Variants in SAGE1 observed in about 807,000 individuals in gnomAD.
SAGE1 encodes sarcoma antigen 1, also known as cancer/testis antigen 14.
SAGE1 carries 55 observed loss-of-function variants against 55.4 expected under a neutral mutation model. The observed-to-expected ratio is 0.99, with a 90% CI of 0.80 to 1.24. SAGE1 has a LOEUF of 1.24. Ranked by LOEUF, SAGE1 falls within the 50% of genes most tolerant of loss-of-function variation. SAGE1 has a pLI of 0.00. For synonymous variants in SAGE1, 240 were observed against 244.3 expected, an observed-to-expected ratio of 0.98 and a Z score of 0.17; for missense variants, 710 against 704.4, an observed-to-expected ratio of 1.01 and a Z score of -0.09.
Position 135,911,972 on chromosome X carries a change from T to G in SAGE1, c.2521+19T>G, listed in dbSNP as rs782412775. 1 of 1,202,694 alleles carries G rather than the reference T, an allele frequency of 8.3e-7. No homozygotes were observed. The highest frequency in any genetic ancestry group is 3.0e-5 in the East Asian group (1 of 33,762). On this transcript the variant is annotated intron_variant, in intron 18 of 19. Transcript: ENST00000370709. The stretch of plus-strand genomic sequence containing the variant: ...GGGCAAAGTAAGTACTGCAAGAATG[T>G]CTATCAATGAAAGCATGAGAAGTGT...
chrX:135,910,163 G>A lies in SAGE1; in HGVS notation c.1857G>A (p.Arg619=). 1 of 1,206,023 alleles carries A rather than the reference G, an allele frequency of 8.3e-7. No individual in the cohort carries two copies. Among genetic ancestry groups the A allele is most frequent in the Non-Finnish European group, 1.1e-6 (1 of 891,218 alleles). ...CTGGTGTTTCATCCATGAGTACCAGGGATCAGTGTAAGTTTATTCACTTGT... is the reference window on the plus strand; with the variant it reads ...CTGGTGTTTCATCCATGAGTACCAGAGATCAGTGTAAGTTTATTCACTTGT... ...AATGVSSMST[R]DQYAAVTHNI... is the part of the protein sequence containing the mutation. Residue 619 remains arginine, a synonymous_variant, in exon 15 of 20, where the codon AGG becomes AGA. Coordinates refer to ENST00000370709, the MANE Select transcript of SAGE1 (RefSeq NM_001381902.1).
chrX:135,901,655 A>G lies in SAGE1; in HGVS notation c.184A>G (p.Arg62Gly), dbSNP rs1556596765. The change falls in exon 3 of 20, where the codon AGG (arginine) becomes GGG (glycine). Residue 62 changes from arginine (R) to glycine (G), a missense_variant. By Grantham distance (125) the Arg-to-Gly change is moderately radical. Transcript: ENST00000370709. ...KSKRHSSSKR[R>G]KSMSSWLDKQ... is the part of the protein sequence containing the mutation. Reference sequence around the variant, plus strand: ...CAAGAGACACTCTTCATCTAAGAGAAGGAAGAGTATGTCCTCGTGGTTAGA... The same window carrying G: ...CAAGAGACACTCTTCATCTAAGAGAGGGAAGAGTATGTCCTCGTGGTTAGA... 2 of 1,209,725 alleles carry G rather than the reference A, an allele frequency of 1.7e-6. No individual in the cohort carries two copies. The highest frequency in any genetic ancestry group is 1.8e-5 in the South Asian group (1 of 56,728).
At position 135,907,072 on chromosome X, in the gene SAGE1, T is replaced by C; in HGVS notation, c.877+6T>C. The C allele has an allele frequency of 8.3e-7, 1 of 1,203,431 alleles. No individual in the cohort carries two copies. The highest frequency in any genetic ancestry group is 1.1e-6 in the Non-Finnish European group (1 of 890,813). On this transcript the variant is annotated splice_donor_region_variant and intron_variant, in intron 8 of 19. Transcript: ENST00000370709. ...CATCAGCACCAATGGCCTGTGTATG[T>C]TTGCTTGTTAATTGGATTATCCTGC...
intron 1 of SAGE1, among the ~76,000 whole-genome samples, chrX:135,895,283 T>G: frequency 8.9e-6 from 1 of 111,791 alleles, no homozygotes; most frequent in East Asian, 2.8e-4. Context: ...AATTCCTTGT[T>G]TATATGGAAA....
At chrX:135,896,833 A>T (rs2088594197) in intron 2 of SAGE1, among the ~76,000 whole-genome samples, 1 of 111,426 alleles carries the variant, frequency 9.0e-6, no homozygotes, top group South Asian at 3.8e-4. Context: ...TGCTGGGATT[A>T]CAGGCATGAG....
chrX:135,897,489 T>C (rs186416767), intron 2 of SAGE1, among the ~76,000 whole-genome samples: 2 of 112,098 alleles, frequency 1.8e-5, no homozygotes, highest in Non-Finnish European at 3.8e-5. Context: ...ATGTAAAGCA[T>C]TGAGAACAGT....
At chrX:135,900,421 G>A (rs1416712114) in intron 2 of SAGE1, among the ~76,000 whole-genome samples, 1 of 111,261 alleles carries the variant, frequency 9.0e-6, no homozygotes, top group Non-Finnish European at 1.9e-5. Flanking sequence ...ATTTTGCATC[G>A]ATGTTCATCA....
At position 135,912,954 on chromosome X, in the gene SAGE1, G is replaced by A; in HGVS notation, c.*57G>A. On this transcript the variant is annotated 3_prime_UTR_variant, in exon 20 of 20. Coordinates refer to ENST00000370709, the MANE Select transcript of SAGE1 (RefSeq NM_001381902.1). ...GGACATATGCTGTAGGATGGAACAG[G>A]TTATTGCTGAAGCTCCCTATAATCC... The A allele has an allele frequency of 1.3e-6, 1 of 796,345 alleles. No individual in the cohort carries two copies. The highest frequency in any genetic ancestry group is 1.8e-6 in the Non-Finnish European group (1 of 541,056). 65.6% of individuals were successfully genotyped at this position (796,345 alleles called of 1,213,427 possible). A position where few individuals can be genotyped will look rare whatever the true frequency, so the allele number is the denominator to read the frequency against.
intron 15 of SAGE1, 56 bp from the exon 16 acceptor site, chrX:135,910,359 C>G (rs781944444): frequency 1.7e-6 from 2 of 1,175,220 alleles, no homozygotes; most frequent in East Asian, 3.0e-5. Context: ...AGGGGTATGC[C>G]TGTGCGGTTG....
chrX:135,899,761 A>G (rs1165502622), intron 2 of SAGE1, among the ~76,000 whole-genome samples: 1 of 110,131 alleles, frequency 9.1e-6, no homozygotes, highest in Admixed American at 9.8e-5. Flanking sequence ...AGGAATTGTT[A>G]ATGGGAGTTC....
chrX:135,905,482 A>T lies in SAGE1; in HGVS notation c.454+90A>T, dbSNP rs1323325997. 5.5e-6 allele frequency: 5 copies of T among 904,964 alleles called. No homozygotes were observed. The Admixed American group carries it at 1.0e-4, about 19-fold the overall frequency. 74.6% of individuals were successfully genotyped at this position (904,964 alleles called of 1,213,427 possible). A position where few individuals can be genotyped will look rare whatever the true frequency, so the allele number is the denominator to read the frequency against. On this transcript the variant is annotated intron_variant, in intron 5 of 19. Transcript: ENST00000370709. ...GGTAGAAGTCACTTTTGTTGCATAT[A>T]CTTTCCTAGTCTCAATTTGAGGGGT...
intron 10 of SAGE1, 121 bp downstream of exon 10, chrX:135,907,962 T>A (rs2088826313): frequency 9.5e-7 from 1 of 1,053,817 alleles, no homozygotes; most frequent in Non-Finnish European, 1.3e-6. Flanking sequence ...GGGTTTTCAA[T>A]TGCTCCCTGG....
chrX:135,907,292 A>C (rs2088813059), intron 8 of SAGE1, 21 bp from the exon 9 acceptor site: 1 of 1,196,865 alleles, frequency 8.4e-7, no homozygotes, highest in African/African-American at 1.8e-5. Context: ...TCACAGCTCA[A>C]CCTCTTCATT....
Position 135,908,122 on chromosome X carries a change from A to G in SAGE1, c.1193A>G (p.Lys398Arg). Residue 398 changes from lysine (K) to arginine (R), a missense_variant, in exon 11 of 20, where the codon AAG (lysine) becomes AGG (arginine). Lys to Arg is a conservative substitution (Grantham distance 26). Transcript: ENST00000370709. ...ATCATTCACAATCTGCGTGAAGAGA[A>G]GAAAGATAACAGCCAACCAACCCCT... is the stretch of plus-strand genomic sequence containing the variant. Reference protein sequence around the residue: ...ATIIHNLREEKKDNSQPTPDN... With the variant: ...ATIIHNLREERKDNSQPTPDN... 1 of 1,210,482 alleles carries G rather than the reference A, an allele frequency of 8.3e-7. No homozygotes were observed. Among genetic ancestry groups the G allele is most frequent in the Non-Finnish European group, 1.1e-6 (1 of 894,682 alleles).
At chrX:135,905,126 T>A (rs2088761688) in intron 4 of SAGE1, 126 bp from the exon 5 acceptor site, 2 of 642,608 alleles carry the variant, frequency 3.1e-6, no homozygotes, top group South Asian at 3.5e-5. Flanking sequence ...TGGACTCAAA[T>A]CATTATATGA....
chrX:135,907,842 G>A lies in SAGE1; in HGVS notation c.1159+1G>A, dbSNP rs782250055. 18 of 1,207,059 alleles carry A rather than the reference G, an allele frequency of 1.5e-5. No homozygotes were observed. The highest frequency in any genetic ancestry group is 1.1e-4 in the Admixed American group (5 of 45,588). The stretch of plus-strand genomic sequence containing the variant: ...CCAGCCATGAGTACCAGGGATCAGC[G>A]TAAGTTTGTTTACTAGTTGTGGTGT... On this transcript the variant is annotated splice_donor_variant, in intron 10 of 19. Coordinates refer to ENST00000370709, the MANE Select transcript of SAGE1 (RefSeq NM_001381902.1). LOFTEE classifies it high-confidence loss of function.
chrX:135,909,151 T>A, intron 13 of SAGE1, 147 bp downstream of exon 13: 1 of 510,907 alleles, frequency 2.0e-6, no homozygotes, highest in Non-Finnish European at 3.2e-6. Flanking sequence ...CCTCCCCAGC[T>A]TTCTTAGATA....
At chrX:135,905,194 T>A (rs1210861058) in intron 4 of SAGE1, 58 bp from the exon 5 acceptor site, 2 of 1,098,604 alleles carry the variant, frequency 1.8e-6, no homozygotes, top group African/African-American at 3.6e-5. Flanking sequence ...TGGGATATAC[T>A]GGTTCAATTG....
rs2088767955 is a variant in SAGE1 at position 135,905,354 on chromosome X, C to T, written c.416C>T (p.Ala139Val). The T allele has an allele frequency of 8.3e-6, 10 of 1,209,302 alleles. No homozygotes were observed. The South Asian group carries it at 1.6e-4, about 19-fold the overall frequency. Residue 139 changes from alanine (A) to valine (V), a missense_variant, in exon 5 of 20, where the codon GCT becomes GTT. Ala to Val is a moderately conservative substitution (Grantham distance 64). Coordinates refer to ENST00000370709, the MANE Select transcript of SAGE1 (RefSeq NM_001381902.1). ...GCTCCACCACAGCTTGTTCATATGG[C>T]TGCAGCTGGTATTCCATCCATGAGT... is the stretch of plus-strand genomic sequence containing the variant. ...STAPPQLVHMAAAGIPSMSTR... is the reference protein window; with the variant it reads ...STAPPQLVHMVAAGIPSMSTR...
Sources: gnomAD v4.1 joint callset for allele counts (sites outside exome capture counted in the v4.1 genomes callset) on GRCh38, gnomAD v4.1.1 for gene constraint, MANE v1.5 for transcripts, NCBI Gene and HGNC (gene_info 2026-07-23, HGNC 2026-07-21) for gene names.